Variants in ARL6IP6 observed in about 807,000 individuals in gnomAD.
ARL6IP6 encodes ARF like GTPase 6 interacting protein 6, also known as ADP-ribosylation factor-like protein 6-interacting protein 6.
In ARL6IP6, 22 loss-of-function variants were observed where a neutral mutation model predicts 21.5. The observed-to-expected ratio is 1.02, with a 90% CI of 0.73 to 1.46. The LOEUF is 1.46. Among genes scored for constraint, ARL6IP6 ranks in the 40% most tolerant of loss-of-function variants. The pLI is 0.00. For synonymous variants in ARL6IP6, 164 were observed against 125.3 expected (o/e 1.31, Z -2.06); for missense variants, 388 against 299.8 (o/e 1.29, Z -2.17).
chr2:152,720,016 G>T, intron 1 of ARL6IP6: 2 of 452,718 alleles, frequency 4.4e-6, no homozygotes, highest in Non-Finnish European at 9.1e-6. Flanking sequence ...TAAACTGAAT[G>T]TGCATAAAAT....
chr2:152,742,716 C>A lies in ARL6IP6; in HGVS notation c.587+7590C>A, dbSNP rs566610660. ...CAGTACATTTTCCTGAACAAGTCTACCTTTTAAGCTAATATTCTAGGATTT... is the reference window on the plus strand; with the variant it reads ...CAGTACATTTTCCTGAACAAGTCTAACTTTTAAGCTAATATTCTAGGATTT... On this transcript the variant is annotated intron_variant, in intron 3 of 3. Transcript: ENST00000326446. Among the ~76,000 whole-genome samples the A allele has an allele frequency of 2.0e-5, 3 of 152,108 alleles. No homozygotes were observed. In the South Asian group the frequency reaches 6.2e-4, roughly 32 times the overall value.
chr2:152,721,802 C>G (rs1699805268), intron 2 of ARL6IP6, among the ~76,000 whole-genome samples: 1 of 152,224 alleles, frequency 6.6e-6, no homozygotes, highest in Non-Finnish European at 1.5e-5. Flanking sequence ...GAAGGGGAAA[C>G]ATGAACCCTT....
intron 3 of ARL6IP6, among the ~76,000 whole-genome samples, chr2:152,756,184 T>A (rs1339318849): frequency 6.6e-6 from 1 of 152,174 alleles, no homozygotes; most frequent in Non-Finnish European, 1.5e-5. Flanking sequence ...ATACCTATGT[T>A]TCCTTCTAAG....
At chr2:152,751,675 C>T (rs1042517430) in intron 3 of ARL6IP6, among the ~76,000 whole-genome samples, 1 of 152,142 alleles carries the variant, frequency 6.6e-6, no homozygotes, top group Non-Finnish European at 1.5e-5. Flanking sequence ...GTCCCCCAGA[C>T]TCATCCATGT....
chr2:152,761,095 A>G lies in ARL6IP6; in HGVS notation c.*1255A>G, dbSNP rs1701824030. 1.3e-5 allele frequency: 2 copies of G among 152,332 alleles called. No homozygotes were observed. The highest frequency in any genetic ancestry group is 1.3e-4 in the Admixed American group (2 of 15,298). The allele number at this position is 152,332 out of a possible 1,614,324, so 9.4% of individuals were successfully genotyped here. On this transcript the variant is annotated 3_prime_UTR_variant, in exon 4 of 4. Coordinates refer to ENST00000326446, the MANE Select transcript of ARL6IP6 (RefSeq NM_152522.7). ...AGTAGTCAAACTGCTTATTCAGGCT[A>G]AGTGGGAAATGAATTTGTGCAGTGT...
At chr2:152,742,283 G>A (rs941325762) in intron 3 of ARL6IP6, among the ~76,000 whole-genome samples, 2 of 152,074 alleles carry the variant, frequency 1.3e-5, no homozygotes, top group Non-Finnish European at 2.9e-5. Flanking sequence ...AAAGATAATC[G>A]TGGGCTGGGC....
chr2:152,760,254 A>T lies in ARL6IP6; in HGVS notation c.*414A>T, dbSNP rs111555385. ...ATTTCTGTTTAGTTGAGCTAGAAAT[A>T]CTTCTTATTTATACATTTAGGAAAG... On this transcript the variant is annotated 3_prime_UTR_variant, in exon 4 of 4. Coordinates refer to ENST00000326446, the MANE Select transcript of ARL6IP6 (RefSeq NM_152522.7). The T allele has an allele frequency of 6.5e-6, 1 of 153,542 alleles. No individual in the cohort carries two copies. The highest frequency in any genetic ancestry group is 1.5e-5 in the Non-Finnish European group (1 of 68,658). The allele number at this position is 153,542 out of a possible 1,614,324, so 9.5% of individuals were successfully genotyped here. A position where few individuals can be genotyped will look rare whatever the true frequency, so the allele number is the denominator to read the frequency against.
rs186953152 is a variant in ARL6IP6 at position 152,760,450 on chromosome 2, T to C, written c.*610T>C. The C allele has an allele frequency of 3.1e-4, 47 of 152,214 alleles. No individual in the cohort carries two copies. Among genetic ancestry groups the C allele is most frequent in the Admixed American group, 3.1e-3 (47 of 15,282 alleles). The allele number at this position is 152,214 out of a possible 1,614,324, so 9.4% of individuals were successfully genotyped here. On this transcript the variant is annotated 3_prime_UTR_variant, in exon 4 of 4. Coordinates refer to ENST00000326446, the MANE Select transcript of ARL6IP6 (RefSeq NM_152522.7). Reference sequence around the variant, plus strand: ...ACTACATACTGAATTTGTATGTTTTTAAAATTGTTACATCTAGACAACTGT... The same window carrying C: ...ACTACATACTGAATTTGTATGTTTTCAAAATTGTTACATCTAGACAACTGT...
intron 2 of ARL6IP6, among the ~76,000 whole-genome samples, chr2:152,721,499 C>G (rs1250402163): frequency 6.6e-6 from 1 of 152,182 alleles, no homozygotes; most frequent in East Asian, 1.9e-4. Flanking sequence ...CAAAATGATT[C>G]TGAAGAGTTG....
Position 152,761,891 on chromosome 2 carries a change from C to G in ARL6IP6, c.*2051C>G, listed in dbSNP as rs981433825. Among the ~76,000 whole-genome samples the G allele has an allele frequency of 6.6e-6, 1 of 152,064 alleles. No individual in the cohort carries two copies. On this transcript the variant is annotated 3_prime_UTR_variant, in exon 4 of 4. Coordinates refer to ENST00000326446, the MANE Select transcript of ARL6IP6 (RefSeq NM_152522.7). ...AATATATCCTTGTCATTAAGCCAAACATGACTATATATACCTACAAGATAT... is the reference window on the plus strand; with the variant it reads ...AATATATCCTTGTCATTAAGCCAAAGATGACTATATATACCTACAAGATAT...
intron 2 of ARL6IP6, among the ~76,000 whole-genome samples, chr2:152,728,380 G>A (rs759154618): frequency 2.4e-4 from 36 of 152,114 alleles, no homozygotes; most frequent in Non-Finnish European, 4.0e-4. Context: ...AACCATGAGA[G>A]TTTTGTTTTT....
chr2:152,720,591 G>A lies in ARL6IP6; in HGVS notation c.454+5G>A. 2.5e-6 allele frequency: 4 copies of A among 1,611,856 alleles called. No homozygotes were observed. The highest frequency in any genetic ancestry group is 3.4e-6 in the Non-Finnish European group (4 of 1,178,692). The stretch of plus-strand genomic sequence containing the variant: ...ATGTAGACACTGGACTATTAGGTAT[G>A]GACTTAATTGCCGCTTGCTTTGGTT... On this transcript the variant is annotated splice_donor_5th_base_variant and intron_variant, in intron 2 of 3. Coordinates refer to ENST00000326446, the MANE Select transcript of ARL6IP6 (RefSeq NM_152522.7).
intron 3 of ARL6IP6, among the ~76,000 whole-genome samples, chr2:152,758,335 A>T (rs548806888): frequency 1.2e-4 from 18 of 151,884 alleles, no homozygotes; most frequent in Non-Finnish European, 2.4e-4. Context: ...TGCTTGGTTC[A>T]TTTCGCAGAT....
intron 2 of ARL6IP6, among the ~76,000 whole-genome samples, chr2:152,734,184 T>C (rs1467428038): frequency 6.6e-6 from 1 of 152,200 alleles, no homozygotes; most frequent in Non-Finnish European, 1.5e-5. Context: ...CAACCGTTTT[T>C]CCTTAAGTCC....
chr2:152,721,062 C>T (rs1699766887), intron 2 of ARL6IP6, among the ~76,000 whole-genome samples: 1 of 152,128 alleles, frequency 6.6e-6, no homozygotes, highest in African/African-American at 2.4e-5. Context: ...ACACTGCACT[C>T]CAGCCTGGGC....
intron 3 of ARL6IP6, among the ~76,000 whole-genome samples, chr2:152,754,584 G>C (rs963421105): frequency 4.6e-5 from 7 of 152,150 alleles, no homozygotes; most frequent in African/African-American, 1.7e-4. Flanking sequence ...TATACCTAGA[G>C]TGGAATTGTT....
intron 2 of ARL6IP6, among the ~76,000 whole-genome samples, chr2:152,726,493 A>T (rs891690943): frequency 6.6e-6 from 1 of 152,212 alleles, no homozygotes; most frequent in Admixed American, 6.5e-5. Context: ...CTATCTATAG[A>T]ATGTGATTTA....
chr2:152,746,683 CAG>C (rs1701064901), intron 3 of ARL6IP6, among the ~76,000 whole-genome samples: 1 of 152,100 alleles, frequency 6.6e-6, no homozygotes, highest in Admixed American at 6.6e-5. Flanking sequence ...ACAGATACGT[CAG>C]ATGATAAAGC....
rs1280735400 is a variant in ARL6IP6 at position 152,718,796 on chromosome 2, G to A, written c.172G>A (p.Glu58Lys). Residue 58 changes from glutamate to lysine, a missense_variant, in exon 1 of 4, where the codon GAG becomes AAG. Physicochemically the swap from Glu to Lys is moderately conservative, Grantham distance 56 (BLOSUM62 1). Coordinates refer to ENST00000326446, the MANE Select transcript of ARL6IP6 (RefSeq NM_152522.7). Reference sequence around the variant, plus strand: ...CCAAGTGGCCCGCGACCTGCGGGCGGAGTTCTCGGCTGGGGCGTGGTCAGA... The same window carrying A: ...CCAAGTGGCCCGCGACCTGCGGGCGAAGTTCTCGGCTGGGGCGTGGTCAGA... ...CDQVARDLRA[E>K]FSAGAWSEPR... 1 of 1,606,980 alleles carries A rather than the reference G, an allele frequency of 6.2e-7. No individual in the cohort carries two copies.
Sources: gnomAD v4.1 joint callset for allele counts (sites outside exome capture counted in the v4.1 genomes callset) on GRCh38, gnomAD v4.1.1 for gene constraint, MANE v1.5 for transcripts, NCBI Gene and HGNC (gene_info 2026-07-23, HGNC 2026-07-21) for gene names.